MAP3K8: variants seen among roughly 807,000 people sequenced by gnomAD.
The protein encoded by MAP3K8 is Ewing sarcoma transformant.
Under a neutral mutation model 45.8 loss-of-function variants are expected in MAP3K8, and 22 were observed. The ratio of observed to expected loss-of-function variants is 0.48; its 90% CI spans 0.34 to 0.69. MAP3K8 has a LOEUF of 0.69. Ranked by LOEUF, MAP3K8 falls within the 30% of genes least tolerant of loss-of-function variation. MAP3K8 has a pLI of 0.01. For missense variants in MAP3K8, 419 were observed against 585.0 expected (o/e 0.72, Z 2.93); for synonymous variants, 223 against 214.3 (o/e 1.04, Z -0.36).
intron 6 of MAP3K8, among the ~76,000 whole-genome samples, chr10:30,453,600 A>G (rs943388347): frequency 1.3e-5 from 2 of 152,202 alleles, no homozygotes; most frequent in African/African-American, 2.4e-5. Flanking sequence ...GGCATCTGCT[A>G]TGTGGCAGGT....
At position 30,439,432 on chromosome 10, in the gene MAP3K8, C is replaced by CA. The variant is rs548948324; in HGVS notation, c.336+168dup. ...AAGAAGTACTTCCATGTTAAAGATG[C>CA]AAAAAAAAAAGTCTTCATTAAAATT... On this transcript the variant is annotated intron_variant, in intron 3 of 8. Transcript: ENST00000263056. 5,692 of 1,114,256 alleles carry CA rather than the reference C, an allele frequency of 5.1e-3. 2 individuals carry two copies. The highest frequency in any genetic ancestry group is 0.019 in the South Asian group (821 of 42,812). The allele number at this position is 1,114,256 out of a possible 1,614,324, so 69.0% of individuals were successfully genotyped here. A position where few individuals can be genotyped will look rare whatever the true frequency, so the allele number is the denominator to read the frequency against.
At chr10:30,443,197 G>A (rs1367911844) in intron 3 of MAP3K8, among the ~76,000 whole-genome samples, 2 of 148,578 alleles carry the variant, frequency 1.3e-5, no homozygotes, top group African/African-American at 2.6e-5. Context: ...GATTGGCTGT[G>A]TGACCCTGGG....
At chr10:30,446,186 C>T (rs146705328) in intron 3 of MAP3K8, among the ~76,000 whole-genome samples, 5 of 152,276 alleles carry the variant, frequency 3.3e-5, no homozygotes, top group African/African-American at 1.2e-4. Flanking sequence ...AGCCACCGCA[C>T]CTAGTTGTTC....
intron 7 of MAP3K8, 142 bp from the exon 8 acceptor site, chr10:30,459,113 G>A: frequency 1.2e-6 from 1 of 815,572 alleles, no homozygotes; most frequent in Non-Finnish European, 2.0e-6. Context: ...AGGGAAGCTT[G>A]CTTGCTTAAG....
At chr10:30,434,618 C>T (rs1331731411) in intron 1 of MAP3K8, 2 of 985,826 alleles carry the variant, frequency 2.0e-6, no homozygotes, top group Non-Finnish European at 2.4e-6. Flanking sequence ...CCCCTTCCTC[C>T]TCCTTCCCGT....
At chr10:30,438,274 T>C (rs1287858389) in intron 2 of MAP3K8, among the ~76,000 whole-genome samples, 1 of 152,254 alleles carries the variant, frequency 6.6e-6, no homozygotes, top group Non-Finnish European at 1.5e-5. Context: ...TACTCATCAC[T>C]GGGAGAACAA....
Position 30,460,983 on chromosome 10 carries a change from C to CG in MAP3K8, c.*149dup, listed in dbSNP as rs759723124. Reference sequence around the variant, plus strand: ...TGTGACCCGTGAATGTGCCTCCAAGCGGCCCTGTGTGTTTGACATGTGAAG... The same window carrying CG: ...TGTGACCCGTGAATGTGCCTCCAAGCGGGCCCTGTGTGTTTGACATGTGAAG... On this transcript the variant is annotated 3_prime_UTR_variant, in exon 9 of 9. Transcript: ENST00000263056. The CG allele has an allele frequency of 1.1e-6, 1 of 926,548 alleles. No homozygotes were observed. The highest frequency in any genetic ancestry group is 1.7e-5 in the African/African-American group (1 of 59,204). 57.4% of individuals were successfully genotyped at this position (926,548 alleles called of 1,614,324 possible). A position where few individuals can be genotyped will look rare whatever the true frequency, so the allele number is the denominator to read the frequency against.
chr10:30,449,151 G>C (rs2132810699), intron 4 of MAP3K8, among the ~76,000 whole-genome samples: 1 of 152,330 alleles, frequency 6.6e-6, no homozygotes, highest in Middle Eastern at 3.4e-3. Flanking sequence ...TGTGCTACTG[G>C]ATGTCAGGAT....
At chr10:30,445,824 A>C (rs535697576) in intron 3 of MAP3K8, among the ~76,000 whole-genome samples, 1 of 152,374 alleles carries the variant, frequency 6.6e-6, no homozygotes, top group East Asian at 1.9e-4. Context: ...CATTAGAGTT[A>C]GTCTCTGCTT....
rs1206231462 is a variant in MAP3K8 at position 30,439,245 on chromosome 10, C to T, written c.307C>T (p.Pro103Ser). 6.2e-7 allele frequency: 1 copy of T among 1,614,190 alleles called. No homozygotes were observed. Among genetic ancestry groups the T allele is most frequent in the Admixed American group, 1.7e-5 (1 of 60,022 alleles). Residue 103 changes from proline (P) to serine (S), a missense_variant, in exon 3 of 9, where the codon CCA becomes TCA. Coordinates refer to ENST00000263056, the MANE Select transcript of MAP3K8 (RefSeq NM_005204.4). Reference sequence around the variant, plus strand: ...TGCAAAGCATTTTTATGGACAACGACCACAGGAATCTGGAATTTTATTAAA... The same window carrying T: ...TGCAAAGCATTTTTATGGACAACGATCACAGGAATCTGGAATTTTATTAAA... ...NTAKHFYGQR[P>S]QESGILLNMV...
chr10:30,446,273 G>T (rs8176996), intron 3 of MAP3K8, among the ~76,000 whole-genome samples: 6,092 of 152,034 alleles, frequency 0.04, 385 homozygotes, highest in African/African-American at 0.13. Context: ...CGTGGCTCAC[G>T]CCTGTAATCC....
Position 30,461,266 on chromosome 10 carries a change from C to T in MAP3K8, c.*430C>T, listed in dbSNP as rs1836931434. ...GTATATTGGTGTATATTATATAACT[C>T]TTTGAGCCTTTATTGGTAAATTCTG... On this transcript the variant is annotated 3_prime_UTR_variant, in exon 9 of 9. Coordinates refer to ENST00000263056, the MANE Select transcript of MAP3K8 (RefSeq NM_005204.4). 1 of 220,754 alleles carries T rather than the reference C, an allele frequency of 4.5e-6. No homozygotes were observed. The highest frequency in any genetic ancestry group is 2.2e-5 in the African/African-American group (1 of 44,564). The allele number at this position is 220,754 out of a possible 1,614,324, so 13.7% of individuals were successfully genotyped here. A position where few individuals can be genotyped will look rare whatever the true frequency, so the allele number is the denominator to read the frequency against.
chr10:30,442,149 T>C (rs554890115), intron 3 of MAP3K8, among the ~76,000 whole-genome samples: 3 of 152,330 alleles, frequency 2.0e-5, no homozygotes, highest in Admixed American at 6.5e-5. Context: ...CTCTGGGAGC[T>C]TGCTGCCTGG....
Position 30,447,910 on chromosome 10 carries a change from A to G in MAP3K8, c.465A>G (p.Ala155=), listed in dbSNP as rs2132807855. 6.2e-7 allele frequency: 1 copy of G among 1,612,980 alleles called. No individual in the cohort carries two copies. The highest frequency in any genetic ancestry group is 2.2e-5 in the East Asian group (1 of 44,866). The stretch of plus-strand genomic sequence containing the variant: ...GCGCCTTTGGAAAGGTATACTTGGC[A>G]CAAGATATAAAGACGAAGAAAAGAA... ...PRGAFGKVYL[A]QDIKTKKRMA... The change falls in exon 4 of 9, where the codon GCA becomes GCG. Residue 155 remains alanine (A), a synonymous_variant. Coordinates refer to ENST00000263056, the MANE Select transcript of MAP3K8 (RefSeq NM_005204.4).
intron 3 of MAP3K8, among the ~76,000 whole-genome samples, chr10:30,447,439 A>G (rs1564368628): frequency 1.3e-5 from 2 of 152,200 alleles, no homozygotes; most frequent in African/African-American, 4.8e-5. Context: ...ACCTGCAGGC[A>G]CGGTTTATAT....
At chr10:30,445,875 TGTA>T (rs1836310124) in intron 3 of MAP3K8, among the ~76,000 whole-genome samples, 2 of 152,222 alleles carry the variant, frequency 1.3e-5, no homozygotes, top group South Asian at 4.1e-4. Flanking sequence ...TTGTGGGATG[TGTA>T]GCTAAAATTA....
intron 6 of MAP3K8, 39 bp downstream of exon 6, chr10:30,451,783 A>T: frequency 8.8e-7 from 1 of 1,139,670 alleles, no homozygotes; most frequent in Non-Finnish European, 1.3e-6. Context: ...TATTTTATTA[A>T]GAATAAAAAG....
chr10:30,457,135 C>T (rs1426999484), intron 6 of MAP3K8, among the ~76,000 whole-genome samples: 1 of 151,318 alleles, frequency 6.6e-6, no homozygotes, highest in Admixed American at 6.6e-5. Context: ...GCCACCATGC[C>T]CCACCTCTCT....
At chr10:30,451,888 T>C (rs1753369752) in intron 6 of MAP3K8, 144 bp downstream of exon 6, 1 of 503,660 alleles carries the variant, frequency 2.0e-6, no homozygotes, top group African/African-American at 1.9e-5. Context: ...ACACATTTAA[T>C]GAGCACTTGC....
Sources: allele counts gnomAD v4.1 joint callset (sites outside exome capture counted in the v4.1 genomes callset), GRCh38; gene constraint gnomAD v4.1.1; transcripts MANE v1.5; gene names NCBI Gene and HGNC (gene_info 2026-07-23, HGNC 2026-07-21).